ANO4: variants seen among roughly 807,000 people sequenced by gnomAD.
ANO4 encodes anoctamin 4.
ANO4 carries 69 observed loss-of-function variants against 141.9 expected under a neutral mutation model. The ratio of observed to expected loss-of-function variants is 0.49; its 90% CI spans 0.40 to 0.59. ANO4 has a LOEUF of 0.59. ANO4 is among the 20% of genes least tolerant of loss of function. The pLI is 0.00. For missense variants in ANO4, 894 were observed against 1,162.2 expected (o/e 0.77, Z 3.36); for synonymous variants, 350 against 394.3 (o/e 0.89, Z 1.33).
At chr12:100,786,205 G>A (rs1165232133) in intron 3 of ANO4, among the ~76,000 whole-genome samples, 4 of 152,194 alleles carry the variant, frequency 2.6e-5, no homozygotes, top group African/African-American at 4.8e-5. Flanking sequence ...TTGCCTAAGT[G>A]GGCTTTCTTG....
chr12:100,878,357 ACAGGG>A (rs2039414282), intron 1 of ANO4, among the ~76,000 whole-genome samples: 2 of 152,212 alleles, frequency 1.3e-5, no homozygotes, highest in African/African-American at 4.8e-5. Context: ...TGTGTCCAAC[ACAGGG>A]TGGGCACTTA....
intron 2 of ANO4, among the ~76,000 whole-genome samples, chr12:100,907,235 T>G (rs1472274915): frequency 1.3e-5 from 2 of 152,206 alleles, no homozygotes; most frequent in African/African-American, 4.8e-5. Context: ...TTATTCAGCT[T>G]CAGGCATCCA....
chr12:101,068,307 A>G (rs2048676291), intron 14 of ANO4: 13 of 1,340,198 alleles, frequency 9.7e-6, no homozygotes, highest in Admixed American at 1.8e-5. Flanking sequence ...GCTCCTACGA[A>G]GGCTGACTTC....
intron 1 of ANO4, among the ~76,000 whole-genome samples, chr12:100,811,140 A>G (rs1396573689): frequency 6.6e-6 from 1 of 152,152 alleles, no homozygotes; most frequent in South Asian, 2.1e-4. Flanking sequence ...TGGGAGAGGA[A>G]TAATTTGGGC....
intron 1 of ANO4, among the ~76,000 whole-genome samples, chr12:100,808,990 T>C (rs1057440231): frequency 5.9e-5 from 9 of 152,196 alleles, no homozygotes; most frequent in African/African-American, 1.9e-4. Flanking sequence ...AAGCACTTAA[T>C]GAACACTTAC....
chr12:100,808,862 T>A (rs533534519), intron 1 of ANO4, among the ~76,000 whole-genome samples: 1 of 152,100 alleles, frequency 6.6e-6, no homozygotes, highest in South Asian at 2.1e-4. Context: ...TGCAATTGAA[T>A]TTAGTAAGTG....
chr12:100,822,824 T>G (rs2036125245), intron 1 of ANO4, among the ~76,000 whole-genome samples: 1 of 152,010 alleles, frequency 6.6e-6, no homozygotes, highest in Non-Finnish European at 1.5e-5. Flanking sequence ...TACTCGTACT[T>G]CCTTTGTGGT....
At chr12:101,021,626 G>A (rs898630935) in intron 9 of ANO4, among the ~76,000 whole-genome samples, 9 of 152,154 alleles carry the variant, frequency 5.9e-5, no homozygotes, top group African/African-American at 2.2e-4. Flanking sequence ...TAAATGACAA[G>A]ACTCAGTAGC....
intron 3 of ANO4, among the ~76,000 whole-genome samples, chr12:100,754,310 T>C (rs145348147): frequency 4.2e-4 from 64 of 152,346 alleles, no homozygotes; most frequent in African/African-American, 1.5e-3. Context: ...TGCTCTTTTC[T>C]TTAGTCCTGT....
intron 1 of ANO4, among the ~76,000 whole-genome samples, chr12:100,808,311 G>T (rs1204046082): frequency 1.3e-5 from 2 of 152,140 alleles, no homozygotes; most frequent in African/African-American, 2.4e-5. Context: ...AATGATCAAT[G>T]ATGTCAAGCT....
intron 2 of ANO4, among the ~76,000 whole-genome samples, chr12:100,903,021 T>C (rs2040668780): frequency 6.6e-6 from 1 of 152,184 alleles, no homozygotes; most frequent in African/African-American, 2.4e-5. Flanking sequence ...TGTACCCTTT[T>C]CCCTCTTCTG....
At chr12:101,113,627 A>G (rs1357225365) in intron 24 of ANO4, among the ~76,000 whole-genome samples, 2 of 151,710 alleles carry the variant, frequency 1.3e-5, no homozygotes, top group African/African-American at 4.9e-5. Context: ...TGGCCACTCT[A>G]TTACTTTTCA....
chr12:101,078,575 A>G (rs1359696411), intron 14 of ANO4, among the ~76,000 whole-genome samples: 1 of 152,210 alleles, frequency 6.6e-6, no homozygotes, highest in Admixed American at 6.5e-5. Context: ...AAAGTTCTTA[A>G]TAGACTTACC....
At chr12:100,800,559 C>T (rs1328559450) in intron 1 of ANO4, among the ~76,000 whole-genome samples, 3 of 152,154 alleles carry the variant, frequency 2.0e-5, no homozygotes, top group South Asian at 2.1e-4. Context: ...TTCCAATTTT[C>T]GAAGATATTA....
intron 2 of ANO4, among the ~76,000 whole-genome samples, chr12:100,904,275 G>A (rs1042637124): frequency 1.4e-4 from 21 of 152,092 alleles, no homozygotes; most frequent in African/African-American, 4.6e-4. Context: ...GGGAGTTTAC[G>A]TAGTAGCTGC....
Position 101,005,794 on chromosome 12 carries a change from A to C in ANO4, c.735-14240A>C, listed in dbSNP as rs376818675. ...ATGCTGATTTTCATGATCCAGTCTT[A>C]AAGGTAGATAGTTTAAGATTGGTGG... On this transcript the variant is annotated intron_variant, in intron 8 of 27. Coordinates refer to ENST00000392977, the MANE Select transcript of ANO4 (RefSeq NM_001286615.2). Among the ~76,000 whole-genome samples, 15 of 152,308 alleles carry C rather than the reference A, an allele frequency of 9.8e-5. No homozygotes were observed. In the East Asian group the frequency reaches 2.5e-3, roughly 25 times the overall value.
At chr12:100,884,387 C>T (rs1018890318) in intron 1 of ANO4, among the ~76,000 whole-genome samples, 2 of 152,190 alleles carry the variant, frequency 1.3e-5, no homozygotes, top group Non-Finnish European at 2.9e-5. Context: ...CAGGGCCCCC[C>T]ATGACCACTG....
At chr12:100,747,241 G>C (rs1042322711) in intron 3 of ANO4, among the ~76,000 whole-genome samples, 4 of 152,188 alleles carry the variant, frequency 2.6e-5, no homozygotes, top group Admixed American at 1.3e-4. Context: ...TGGGTTCATG[G>C]GTTTTAATGC....
intron 1 of ANO4, among the ~76,000 whole-genome samples, chr12:100,896,766 A>C (rs1400985986): frequency 6.6e-6 from 1 of 152,212 alleles, no homozygotes; most frequent in East Asian, 1.9e-4. Context: ...ACAGATGAGC[A>C]GAGGCAATGG....
Sources: allele counts gnomAD v4.1 joint callset (sites outside exome capture counted in the v4.1 genomes callset), GRCh38; gene constraint gnomAD v4.1.1; transcripts MANE v1.5; gene names NCBI Gene and HGNC (gene_info 2026-07-23, HGNC 2026-07-21).